The following PABPC1 variants were observed in gnomAD, a reference collection of about 807,000 sequenced individuals.
PABPC1 encodes polyadenylate-binding protein 1.
A neutral mutation model predicts 74.0 loss-of-function variants in PABPC1; 4 were observed. The observed-to-expected ratio is 0.05, with a 90% confidence interval of 0.03 to 0.12. The LOEUF is 0.12. PABPC1 is among the 10% of genes least tolerant of loss of function. The pLI is 1.00. For synonymous variants in PABPC1, 227 were observed against 264.1 expected (o/e 0.86, Z 1.36); for missense variants, 271 against 821.1 (o/e 0.33, Z 8.19).
Position 100,721,399 on chromosome 8 carries a change from G to C in PABPC1, c.185C>G (p.Pro62Arg). ...CGGAGCCCGGCGCTCACCGTCCGCCGGCTGCTGGAAGTTCACATACGCGTA... is the reference window on the plus strand; with the variant it reads ...CGGAGCCCGGCGCTCACCGTCCGCCCGCTGCTGGAAGTTCACATACGCGTA... ...LGYAYVNFQQPADAERALDTM... is the reference protein window; with the variant it reads ...LGYAYVNFQQRADAERALDTM... The change falls in exon 1 of 15, where the codon CCG becomes CGG. Residue 62 changes from proline to arginine, a missense_variant. Pro to Arg is a moderately radical substitution (Grantham distance 103). This residue lies in a region of PABPC1 where 47 missense variants were observed against 214.1 expected (regional missense o/e 0.22). Coordinates refer to ENST00000318607, the MANE Select transcript of PABPC1 (RefSeq NM_002568.4). The surrounding 1 kb of genome is among the most constrained non-coding windows in gnomAD (Gnocchi z 7.4). 1.3e-6 allele frequency: 2 copies of C among 1,531,952 alleles called. No homozygotes were observed. The highest frequency in any genetic ancestry group is 2.7e-5 in the East Asian group (1 of 37,692). 94.9% of individuals were successfully genotyped at this position (1,531,952 alleles called of 1,614,324 possible). A position where few individuals can be genotyped will look rare whatever the true frequency, so the allele number is the denominator to read the frequency against.
At chr8:100,717,737 A>T (rs1163110798) in intron 3 of PABPC1, 36 bp downstream of exon 3, 3 of 1,236,986 alleles carry the variant, frequency 2.4e-6, no homozygotes, top group Non-Finnish European at 2.3e-6. Context: ...TAAAAATAAG[A>T]TTCAAAATAT....
rs757901850 is a variant in PABPC1, at chr8:100,706,948, T to C, written c.1386A>G (p.Pro462=). The C allele has an allele frequency of 2.5e-6, 4 of 1,614,062 alleles. No homozygotes were observed. The highest frequency in any genetic ancestry group is 1.7e-6 in the Non-Finnish European group (2 of 1,180,012). The change falls in exon 10 of 15, where the codon CCA becomes CCG. Residue 462 remains proline (P), a synonymous_variant. Transcript: ENST00000318607. The part of the protein sequence containing the change: ...GAIRPAAPRP[P]FSTMRPASSQ... ...AAGAAGCTGGTCTCATAGTACTAAATGGTGGTCTAGGAGCAGCTGGGCGGA... is the reference window on the plus strand; with the variant it reads ...AAGAAGCTGGTCTCATAGTACTAAACGGTGGTCTAGGAGCAGCTGGGCGGA...
At chr8:100,710,339 T>C (rs1810495512) in intron 7 of PABPC1, among the ~76,000 whole-genome samples, 1 of 152,134 alleles carries the variant, frequency 6.6e-6, no homozygotes, top group Admixed American at 6.6e-5. Flanking sequence ...AGGCCAGCAA[T>C]ATATATAAGC....
rs1296788727 is a variant in PABPC1 at position 100,721,398 on chromosome 8, C to T, written c.186G>A (p.Pro62=). The change falls in exon 1 of 15, where the codon CCG becomes CCA. Residue 62 remains proline (P), a synonymous_variant. Coordinates refer to ENST00000318607, the MANE Select transcript of PABPC1 (RefSeq NM_002568.4). This position sits in a 1 kb window ranked among gnomAD's most constrained non-coding sequence, Gnocchi z 7.4. ...LGYAYVNFQQ[P]ADAERALDTM... Reference sequence around the variant, plus strand: ...GCGGAGCCCGGCGCTCACCGTCCGCCGGCTGCTGGAAGTTCACATACGCGT... The same window carrying T: ...GCGGAGCCCGGCGCTCACCGTCCGCTGGCTGCTGGAAGTTCACATACGCGT... 21 of 1,533,272 alleles carry T rather than the reference C, an allele frequency of 1.4e-5. No individual in the cohort carries two copies. The highest frequency in any genetic ancestry group is 1.8e-5 in the Non-Finnish European group (21 of 1,137,302). The allele number at this position is 1,533,272 out of a possible 1,614,324, so 95.0% of individuals were successfully genotyped here.
Position 100,705,659 on chromosome 8 carries a change from T to A in PABPC1, c.1617A>T (p.Val539=). ...QVTMQQPAVH[V]QGQEPLTASM... ...AAGCAGTCAAAGGTTCCTGACCTTG[T>A]ACATGAACAGCAGGCTAGACAGAAA... The change falls in exon 12 of 15, where the codon GTA becomes GTT. Residue 539 remains valine (V), a synonymous_variant. Transcript: ENST00000318607. 1.2e-6 allele frequency: 2 copies of A among 1,612,824 alleles called. No individual in the cohort carries two copies. The highest frequency in any genetic ancestry group is 1.7e-6 in the Non-Finnish European group (2 of 1,178,846).
At position 100,712,886 on chromosome 8, in the gene PABPC1, G is replaced by C. The variant is rs191246806; in HGVS notation, c.739-97C>G. On this transcript the variant is annotated intron_variant, in intron 5 of 14. Transcript: ENST00000318607. The stretch of plus-strand genomic sequence containing the variant: ...AAGACAAATTTGTTAAGTCACAAAA[G>C]CTAAAGACAAACCCATCCCAAAATC... The C allele has an allele frequency of 0.01, 13,959 of 1,392,210 alleles. 1,047 individuals are homozygous for C. The African/African-American group carries it at 0.17, about 17-fold the overall frequency. 86.2% of individuals were successfully genotyped at this position (1,392,210 alleles called of 1,614,324 possible).
intron 4 of PABPC1, among the ~76,000 whole-genome samples, chr8:100,715,122 TACACACACACACACAC>T (rs56819980): frequency 4.7e-4 from 62 of 131,398 alleles, no homozygotes; most frequent in East Asian, 4.5e-3. Flanking sequence ...GATCTCTAAT[TACACACACACACACAC>T]ACACACACAC....
intron 14 of PABPC1, 118 bp from the exon 15 acceptor site, chr8:100,703,477 A>G (rs1563607755): frequency 6.6e-6 from 1 of 152,316 alleles, no homozygotes; most frequent in Non-Finnish European, 1.5e-5. Flanking sequence ...GAACACAGCC[A>G]TACCTGTTCA....
At position 100,721,001 on chromosome 8, in the gene PABPC1, C is replaced by T. The variant is rs3133548; in HGVS notation, c.193+390G>A. On this transcript the variant is annotated intron_variant, in intron 1 of 14. Coordinates refer to ENST00000318607, the MANE Select transcript of PABPC1 (RefSeq NM_002568.4). This position sits in a 1 kb window ranked among gnomAD's most constrained non-coding sequence, Gnocchi z 7.4. Reference sequence around the variant, plus strand: ...CAGGCTGGGGCGCCGGCAGGAGCTCCGGGTGGTGGGAGCGCCTCCACCTCT... The same window carrying T: ...CAGGCTGGGGCGCCGGCAGGAGCTCTGGGTGGTGGGAGCGCCTCCACCTCT... Among the ~76,000 whole-genome samples, 28,887 of 152,066 alleles carry T rather than the reference C, an allele frequency of 0.19. 2,946 individuals carry two copies. The highest frequency in any genetic ancestry group is 0.3 in the East Asian group (1,555 of 5,154).
chr8:100,713,199 A>G lies in PABPC1; in HGVS notation c.644-18T>C. 2 of 1,418,582 alleles carry G rather than the reference A, an allele frequency of 1.4e-6. No individual in the cohort carries two copies. Among genetic ancestry groups the G allele is most frequent in the Non-Finnish European group, 1.9e-6 (2 of 1,028,694 alleles). The allele number at this position is 1,418,582 out of a possible 1,614,324, so 87.9% of individuals were successfully genotyped here. A position where few individuals can be genotyped will look rare whatever the true frequency, so the allele number is the denominator to read the frequency against. On this transcript the variant is annotated intron_variant, in intron 4 of 14. Transcript: ENST00000318607. ...GGCAGGCCCTAAAAAATTTTTTTAC[A>G]TAAATCAAAGATATTCCATACAACA...
At chr8:100,711,704 C>T (rs1024409368) in intron 7 of PABPC1, among the ~76,000 whole-genome samples, 2 of 152,230 alleles carry the variant, frequency 1.3e-5, no homozygotes, top group East Asian at 3.8e-4. Context: ...TCCTCACTCT[C>T]ACAGAAGCTT....
Position 100,705,792 on chromosome 8 carries a change from T to G in PABPC1, c.1603-119A>C. ...TCCATCGAAACATGAGGTGGAGAAG[T>G]TGAGTGAGCGAATTAGAAAGAAGCC... On this transcript the variant is annotated intron_variant, in intron 11 of 14. Coordinates refer to ENST00000318607, the MANE Select transcript of PABPC1 (RefSeq NM_002568.4). 4.3e-6 allele frequency: 3 copies of G among 695,766 alleles called. No individual in the cohort carries two copies. In the South Asian group the frequency reaches 5.0e-5, roughly 12 times the overall value. The allele number at this position is 695,766 out of a possible 1,614,324, so 43.1% of individuals were successfully genotyped here.
chr8:100,713,015 T>A (rs947364716), intron 5 of PABPC1, 72 bp downstream of exon 5: 37 of 1,103,264 alleles, frequency 3.4e-5, no homozygotes, highest in Non-Finnish European at 1.9e-5. Flanking sequence ...GCTATTAGTA[T>A]GCACATAGAC....
At chr8:100,712,582 G>A in intron 6 of PABPC1, 70 bp downstream of exon 6, 9 of 1,552,792 alleles carry the variant, frequency 5.8e-6, no homozygotes, top group Middle Eastern at 1.7e-4. Context: ...CTACCTGGAA[G>A]TAACTGAAAT....
At chr8:100,713,218 T>C (rs1563613553) in intron 4 of PABPC1, 37 bp from the exon 5 acceptor site, 2 of 1,239,298 alleles carry the variant, frequency 1.6e-6, no homozygotes, top group Non-Finnish European at 2.3e-6. Flanking sequence ...AGATATTCCA[T>C]ACAACATTCA....
At chr8:100,719,257 T>G (rs1810749770) in intron 1 of PABPC1, among the ~76,000 whole-genome samples, 1 of 152,154 alleles carries the variant, frequency 6.6e-6, no homozygotes, top group African/African-American at 2.4e-5. Flanking sequence ...CCAATGTAAA[T>G]TTAAAAGTTA....
chr8:100,715,148 CACACACACACATAT>C (rs1369305073), intron 4 of PABPC1, among the ~76,000 whole-genome samples: 2 of 86,056 alleles, frequency 2.3e-5, no homozygotes, highest in Non-Finnish European at 5.9e-5. Context: ...CACACACACA[CACACACACACATAT>C]ATATCTCCAG....
At chr8:100,709,069 TG>T (rs925288652) in intron 9 of PABPC1, 63 bp downstream of exon 9, 41 of 1,199,022 alleles carry the variant, frequency 3.4e-5, no homozygotes, top group Non-Finnish European at 4.9e-5. Context: ...ATAGAAGAGC[TG>T]ATTTACCCAA....
rs201076736 is a variant in PABPC1 at position 100,709,589 on chromosome 8, T to C, written c.1115A>G (p.Glu372Gly). 0.032 allele frequency: 32,854 copies of C among 1,020,192 alleles called. No individual in the cohort carries two copies. The highest frequency in any genetic ancestry group is 0.11 in the Middle Eastern group (401 of 3,502). 63.2% of individuals were successfully genotyped at this position (1,020,192 alleles called of 1,614,324 possible). A position where few individuals can be genotyped will look rare whatever the true frequency, so the allele number is the denominator to read the frequency against. ...PLYVALAQRK[E>G]ERQAHLTNQY... is the part of the protein sequence containing the mutation. ...GTTAGTGAGGTGAGCCTGGCGCTCTTCTTTGCGCTGAGCTAAAGCTACATA... is the reference window on the plus strand; with the variant it reads ...GTTAGTGAGGTGAGCCTGGCGCTCTCCTTTGCGCTGAGCTAAAGCTACATA... The change falls in exon 8 of 15, where the codon GAA becomes GGA. Residue 372 changes from glutamate to glycine, a missense_variant. Around this residue, in one of 7 missense-constraint regions of PABPC1, gnomAD observed 7 missense variants for 71.8 expected, o/e 0.10. Transcript: ENST00000318607.
Sources: gnomAD v4.1 joint callset for allele counts (sites outside exome capture counted in the v4.1 genomes callset) on GRCh38, gnomAD v4.1.1 for gene constraint, gnomAD v4.1.1 regional missense constraint, Gnocchi (gnomAD v3.1) non-coding constraint, MANE v1.5 for transcripts, NCBI Gene and HGNC (gene_info 2026-07-23, HGNC 2026-07-21) for gene names.